Variants in ATF7IP2 observed in about 807,000 individuals in gnomAD.
ATF7IP2 encodes activating transcription factor 7 interacting protein 2.
ATF7IP2 carries 42 observed loss-of-function variants against 64.2 expected under a neutral mutation model. The observed-to-expected ratio is 0.65, with a 90% CI of 0.51 to 0.85. The LOEUF (loss-of-function observed/expected upper bound fraction) is 0.85. ATF7IP2 is among the 40% of genes least tolerant of loss of function. The pLI, the probability that ATF7IP2 is intolerant of heterozygous loss-of-function variation, is 0.00. For synonymous variants in ATF7IP2, 308 were observed against 272.8 expected (o/e 1.13, Z -1.27); for missense variants, 933 against 784.2 (o/e 1.19, Z -2.27).
intron 1 of ATF7IP2, among the ~76,000 whole-genome samples, chr16:10,401,885 G>A (rs117906134): frequency 0.019 from 2,848 of 151,674 alleles, 30 homozygotes; most frequent in South Asian, 0.031. Flanking sequence ...AGGGTTTCCT[G>A]TTTGTCAGTA....
intron 1 of ATF7IP2, among the ~76,000 whole-genome samples, chr16:10,390,797 A>G (rs2141731960): frequency 6.6e-6 from 1 of 152,164 alleles, no homozygotes; most frequent in East Asian, 1.9e-4. Context: ...ATGAAAAGGA[A>G]AAAGAGAGAC....
At chr16:10,391,114 G>A (rs1018548688) in intron 1 of ATF7IP2, among the ~76,000 whole-genome samples, 3 of 151,282 alleles carry the variant, frequency 2.0e-5, no homozygotes, top group Admixed American at 2.0e-4. Context: ...CTATGATCGC[G>A]CCATTGCATT....
At chr16:10,398,297 C>T (rs932762382) in intron 1 of ATF7IP2, among the ~76,000 whole-genome samples, 2 of 143,888 alleles carry the variant, frequency 1.4e-5, no homozygotes, top group Non-Finnish European at 3.0e-5. Flanking sequence ...GAGCAAGACT[C>T]CATCTCAAAA....
At chr16:10,411,368 G>GTTT (rs1430738834) in intron 1 of ATF7IP2, among the ~76,000 whole-genome samples, 8 of 53,402 alleles carry the variant, frequency 1.5e-4, no homozygotes, top group South Asian at 6.6e-4. Context: ...TTTTTTTGGT[G>GTTT]TTTTGTTGTT....
intron 13 of ATF7IP2, among the ~76,000 whole-genome samples, chr16:10,481,430 A>G (rs1467871135): frequency 1.3e-5 from 2 of 151,156 alleles, no homozygotes; most frequent in Non-Finnish European, 2.9e-5. Flanking sequence ...GATTACAGGC[A>G]CGCACCACCA....
intron 9 of ATF7IP2, among the ~76,000 whole-genome samples, chr16:10,463,260 G>C (rs1218607039): frequency 6.6e-6 from 1 of 152,190 alleles, no homozygotes; most frequent in Non-Finnish European, 1.5e-5. Flanking sequence ...GATTCACTCT[G>C]TACTCTGGAA....
At chr16:10,426,614 A>G (rs1223179366) in intron 3 of ATF7IP2, among the ~76,000 whole-genome samples, 1 of 152,160 alleles carries the variant, frequency 6.6e-6, no homozygotes, top group Non-Finnish European at 1.5e-5. Context: ...ATGGTATAGC[A>G]CCGTGTCCTT....
Position 10,480,897 on chromosome 16 carries a change from T to C in ATF7IP2, c.1568T>C (p.Leu523Pro), listed in dbSNP as rs892593812. The change falls in exon 13 of 14, where the codon CTG becomes CCG. Residue 523 changes from leucine to proline, a missense_variant. Coordinates refer to ENST00000562102, the MANE Select transcript of ATF7IP2 (RefSeq NM_001393719.1). ...TTCACAGAAAGTCCAGTATCCCCCC[T>C]GGAGTCACATTCGAAAGCTGCTTCA... ...NCNTESPVSP[L>P]ESHSKAASNS... The C allele has an allele frequency of 6.2e-7, 1 of 1,611,894 alleles. No homozygotes were observed. The highest frequency in any genetic ancestry group is 1.3e-5 in the African/African-American group (1 of 74,954).
intron 4 of ATF7IP2, among the ~76,000 whole-genome samples, chr16:10,429,339 A>G (rs1040346863): frequency 6.6e-6 from 1 of 152,068 alleles, no homozygotes; most frequent in Admixed American, 6.6e-5. Flanking sequence ...TATTTAGTAT[A>G]TATATCAGGT....
rs116631097 is a variant in ATF7IP2 at position 10,403,228 on chromosome 16, T to C, written c.-241-11346T>C. On this transcript the variant is annotated intron_variant, in intron 1 of 13. Coordinates refer to ENST00000562102, the MANE Select transcript of ATF7IP2 (RefSeq NM_001393719.1). The stretch of plus-strand genomic sequence containing the variant: ...AGCTTATTACAATATGTGACACATA[T>C]GCACCAGGCTCAGGAGTGTGAGGTG... Among the ~76,000 whole-genome samples, 254 of 152,288 alleles carry C rather than the reference T, an allele frequency of 1.7e-3. 2 individuals carry two copies. The highest frequency in any genetic ancestry group is 5.9e-3 in the African/African-American group (247 of 41,570).
At chr16:10,481,602 G>T (rs1214894809) in intron 13 of ATF7IP2, among the ~76,000 whole-genome samples, 1 of 152,180 alleles carries the variant, frequency 6.6e-6, no homozygotes, top group African/African-American at 2.4e-5. Flanking sequence ...AAATGAGATG[G>T]AATATTTATC....
chr16:10,448,327 A>T (rs2048878024), intron 8 of ATF7IP2: 1 of 152,196 alleles, frequency 6.6e-6, no homozygotes, highest in South Asian at 2.1e-4. Context: ...TGGTAGCTTG[A>T]TGGGGATAGC....
chr16:10,403,296 T>C (rs1237190768), intron 1 of ATF7IP2, among the ~76,000 whole-genome samples: 1 of 152,176 alleles, frequency 6.6e-6, no homozygotes, highest in Non-Finnish European at 1.5e-5. Flanking sequence ...CATACCATGC[T>C]GGCTACTCAA....
At chr16:10,409,713 C>G (rs1220668128) in intron 1 of ATF7IP2, among the ~76,000 whole-genome samples, 1 of 152,228 alleles carries the variant, frequency 6.6e-6, no homozygotes, top group Non-Finnish European at 1.5e-5. Flanking sequence ...GCGTGAGCCA[C>G]CATGCCCAGC....
Position 10,465,026 on chromosome 16 carries a change from C to T in ATF7IP2, c.1353-7084C>T, listed in dbSNP as rs551553083. ...TGTGTTTTTAGTAGAGAAGGGGTTT[C>T]GCCATGTTAGTCAGGCTGCTCTCAA... is the stretch of plus-strand genomic sequence containing the variant. On this transcript the variant is annotated intron_variant, in intron 9 of 13. Transcript: ENST00000562102. Among the ~76,000 whole-genome samples, 10 of 152,282 alleles carry T rather than the reference C, an allele frequency of 6.6e-5. No individual in the cohort carries two copies. In the South Asian group the frequency reaches 1.2e-3, roughly 19 times the overall value.
At chr16:10,474,847 T>C (rs111626854) in intron 12 of ATF7IP2, among the ~76,000 whole-genome samples, 17 of 152,220 alleles carry the variant, frequency 1.1e-4, no homozygotes, top group Non-Finnish European at 1.6e-4. Context: ...CAAAAGACAA[T>C]TGAATGACTT....
chr16:10,467,413 T>A (rs989310834), intron 9 of ATF7IP2, among the ~76,000 whole-genome samples: 4 of 152,160 alleles, frequency 2.6e-5, no homozygotes, highest in Non-Finnish European at 5.9e-5. Flanking sequence ...TATCGTATAA[T>A]GAACATCTGA....
At chr16:10,416,603 G>A (rs1014972100) in intron 2 of ATF7IP2, among the ~76,000 whole-genome samples, 18 of 152,102 alleles carry the variant, frequency 1.2e-4, no homozygotes, top group Non-Finnish European at 4.4e-5. Context: ...GACCAGCCTG[G>A]CCAACATGGC....
intron 8 of ATF7IP2, among the ~76,000 whole-genome samples, chr16:10,455,882 C>T (rs761161983): frequency 6.6e-6 from 1 of 152,130 alleles, no homozygotes; most frequent in Non-Finnish European, 1.5e-5. Context: ...ATTTGTGTTA[C>T]GTAGTGGCAG....
Sources: gnomAD v4.1 joint callset for allele counts (sites outside exome capture counted in the v4.1 genomes callset) on GRCh38, gnomAD v4.1.1 for gene constraint, MANE v1.5 for transcripts, NCBI Gene and HGNC (gene_info 2026-07-23, HGNC 2026-07-21) for gene names.